Variants in CMIP observed in about 807,000 individuals in gnomAD.
CMIP encodes the protein C-Maf-inducing protein.
In CMIP, 13 loss-of-function variants were observed where a neutral mutation model predicts 97.3. That is an observed-to-expected ratio of 0.13 (90% CI 0.09 to 0.21). The LOEUF is 0.21. Among genes scored for constraint, CMIP ranks in the 10% least tolerant of loss-of-function variants. The pLI is 1.00. For missense variants in CMIP, 847 were observed against 1,024.9 expected (o/e 0.83, Z 2.37); for synonymous variants, 538 against 436.3 (o/e 1.23, Z -2.91).
At chr16:81,642,448 T>G (rs555011115) in intron 3 of CMIP, among the ~76,000 whole-genome samples, 2 of 152,334 alleles carry the variant, frequency 1.3e-5, no homozygotes, top group Non-Finnish European at 2.9e-5. Flanking sequence ...CAGAGTTCAG[T>G]AATTGTGTGG....
chr16:81,522,392 C>G (rs2090045744), intron 1 of CMIP, among the ~76,000 whole-genome samples: 3 of 152,230 alleles, frequency 2.0e-5, no homozygotes, highest in South Asian at 4.1e-4. Flanking sequence ...GTAGAGTTCT[C>G]CTTCTCACTT....
chr16:81,702,721 T>G, intron 17 of CMIP, 52 bp downstream of exon 17: 2 of 1,537,610 alleles, frequency 1.3e-6, no homozygotes. Flanking sequence ...GGGTTGGTCC[T>G]CTCTGTTGGG....
At chr16:81,567,500 C>G (rs766912709) in intron 1 of CMIP, among the ~76,000 whole-genome samples, 2 of 152,340 alleles carry the variant, frequency 1.3e-5, no homozygotes, top group East Asian at 1.9e-4. Flanking sequence ...TTGGGAATTC[C>G]CTTGCTGCAC....
At chr16:81,595,391 T>TC (rs992398321) in intron 1 of CMIP, among the ~76,000 whole-genome samples, 1 of 150,952 alleles carries the variant, frequency 6.6e-6, no homozygotes, top group African/African-American at 2.4e-5. Flanking sequence ...TTCTTTCTTT[T>TC]TTTTTTTTTT....
In CMIP at chr16:81,554,300, G is replaced by T. The variant is rs572346873; in HGVS notation, c.301-53267G>T. Among the ~76,000 whole-genome samples, 17 of 152,308 alleles carry T rather than the reference G, an allele frequency of 1.1e-4. No homozygotes were observed. The South Asian group carries it at 3.5e-3, about 32-fold the overall frequency. Reference sequence around the variant, plus strand: ...TCCTCTTCAAAAGGCACTTTAACCTGTTATTCTCTATCTGAGCTCATTTAA... The same window carrying T: ...TCCTCTTCAAAAGGCACTTTAACCTTTTATTCTCTATCTGAGCTCATTTAA... On this transcript the variant is annotated intron_variant, in intron 1 of 20. Coordinates refer to ENST00000537098, the MANE Select transcript of CMIP (RefSeq NM_198390.3).
intron 9 of CMIP, among the ~76,000 whole-genome samples, chr16:81,677,156 G>A (rs1904355517): frequency 1.3e-5 from 2 of 152,124 alleles, no homozygotes; most frequent in African/African-American, 4.8e-5. Context: ...GGGTAGGAAG[G>A]GCAAGAGTAG....
intron 3 of CMIP, among the ~76,000 whole-genome samples, chr16:81,646,235 G>T (rs2092362845): frequency 7.0e-6 from 1 of 143,350 alleles, no homozygotes; most frequent in African/African-American, 2.7e-5. Flanking sequence ...TGGATGGATG[G>T]GTGGGCGGGT....
At chr16:81,497,617 G>C (rs2089515022) in intron 1 of CMIP, among the ~76,000 whole-genome samples, 2 of 152,370 alleles carry the variant, frequency 1.3e-5, no homozygotes, top group Middle Eastern at 3.4e-3. Context: ...GGCCTCGGCA[G>C]ACTGGCTCTC....
chr16:81,624,030 C>G (rs900759305), intron 3 of CMIP, among the ~76,000 whole-genome samples: 9 of 152,084 alleles, frequency 5.9e-5, no homozygotes, highest in Non-Finnish European at 1.5e-5. Flanking sequence ...TCTGCTGATA[C>G]AGCCACTCTC....
chr16:81,699,080 A>G (rs775629030), intron 14 of CMIP, among the ~76,000 whole-genome samples: 32 of 152,262 alleles, frequency 2.1e-4, no homozygotes, highest in African/African-American at 5.1e-4. Flanking sequence ...GGTGAACCCC[A>G]TCTCTACTAA....
intron 2 of CMIP, chr16:81,610,545 G>T (rs2091814338): frequency 2.0e-6 from 2 of 985,568 alleles, no homozygotes; most frequent in Non-Finnish European, 2.4e-6. Context: ...ACCCAGGTGG[G>T]TGCAGCCCCT....
intron 1 of CMIP, among the ~76,000 whole-genome samples, chr16:81,556,929 G>A (rs62046635): frequency 0.088 from 13,406 of 152,268 alleles, 631 homozygotes; most frequent in East Asian, 0.15. Context: ...AGGCCAAGGA[G>A]GCGCGATGAC....
intron 6 of CMIP, among the ~76,000 whole-genome samples, chr16:81,663,099 A>G (rs75934763): frequency 4.5e-5 from 1 of 22,284 alleles, no homozygotes; most frequent in African/African-American, 3.4e-4. Context: ...TTTAACTCCA[A>G]AAAAAAAAAA....
chr16:81,678,634 T>G lies in CMIP; in HGVS notation c.1388+6T>G. 8 of 1,384,624 alleles carry G rather than the reference T, an allele frequency of 5.8e-6. No individual in the cohort carries two copies. Among genetic ancestry groups the G allele is most frequent in the Non-Finnish European group, 8.0e-6 (8 of 998,902 alleles). The allele number at this position is 1,384,624 out of a possible 1,614,324, so 85.8% of individuals were successfully genotyped here. A position where few individuals can be genotyped will look rare whatever the true frequency, so the allele number is the denominator to read the frequency against. On this transcript the variant is annotated splice_donor_region_variant and intron_variant, in intron 10 of 20. Transcript: ENST00000537098. Reference sequence around the variant, plus strand: ...GTGGAAATCCTCAAGCTGCTGTGAGTGCCCCCCCCGCGTGCCCGCCCCCGG... The same window carrying G: ...GTGGAAATCCTCAAGCTGCTGTGAGGGCCCCCCCCGCGTGCCCGCCCCCGG...
intron 10 of CMIP, among the ~76,000 whole-genome samples, chr16:81,691,118 G>A (rs537623455): frequency 3.3e-5 from 5 of 152,258 alleles, no homozygotes; most frequent in Admixed American, 1.3e-4. Context: ...ACATTAGTTT[G>A]CTAGGACTGC....
chr16:81,679,640 C>A (rs977148101), intron 10 of CMIP, among the ~76,000 whole-genome samples: 1 of 151,766 alleles, frequency 6.6e-6, no homozygotes, highest in South Asian at 2.1e-4. Context: ...GTAGGAGACC[C>A]GTGGACCCGG....
In CMIP at chr16:81,621,158, T is replaced by C. The variant is rs2091987277; in HGVS notation, c.477+232T>C. 1.5e-5 allele frequency: 7 copies of C among 481,172 alleles called. No homozygotes were observed. In the South Asian group the frequency reaches 1.5e-4, roughly 10 times the overall value. The allele number at this position is 481,172 out of a possible 1,614,324, so 29.8% of individuals were successfully genotyped here. ...CTCGCCCTGGTGTTCTCAAACCCTA[T>C]AGCTGTTTTCCTGCTTCAAAAGGAT... is the stretch of plus-strand genomic sequence containing the variant. On this transcript the variant is annotated intron_variant, in intron 3 of 20. Transcript: ENST00000537098. The surrounding 1 kb of genome is among the most constrained non-coding windows in gnomAD (Gnocchi z 4.1).
chr16:81,612,107 A>G (rs1436700204), intron 2 of CMIP, among the ~76,000 whole-genome samples: 1 of 152,264 alleles, frequency 6.6e-6, no homozygotes, highest in East Asian at 1.9e-4. Flanking sequence ...ATGTAAGTAC[A>G]TAGACAGTGT....
intron 13 of CMIP, chr16:81,695,378 G>C (rs1028823430): frequency 6.6e-6 from 1 of 152,244 alleles, no homozygotes; most frequent in Admixed American, 6.5e-5. Flanking sequence ...AAGTCGATAA[G>C]GGAACCCTTG....
Sources: gnomAD v4.1 joint callset for allele counts (sites outside exome capture counted in the v4.1 genomes callset) on GRCh38, gnomAD v4.1.1 for gene constraint, Gnocchi (gnomAD v3.1) non-coding constraint, MANE v1.5 for transcripts, NCBI Gene and HGNC (gene_info 2026-07-23, HGNC 2026-07-21) for gene names.